Variants in BCAT1 observed in about 807,000 individuals in gnomAD.
BCAT1 encodes branched-chain-amino-acid aminotransferase, cytosolic.
In BCAT1, 48 loss-of-function variants were observed where a neutral mutation model predicts 52.4. That is an observed-to-expected ratio of 0.92 (90% CI 0.73 to 1.16). The LOEUF (loss-of-function observed/expected upper bound fraction) is 1.16. Ranked by LOEUF, BCAT1 falls within the 50% of genes most tolerant of loss-of-function variation. The pLI, the probability that BCAT1 is intolerant of heterozygous loss-of-function variation, is 0.00. For missense variants in BCAT1, 451 were observed against 457.1 expected, an observed-to-expected ratio of 0.99 and a Z score of 0.12; for synonymous variants, 167 against 161.3, an observed-to-expected ratio of 1.04 and a Z score of -0.27.
At chr12:24,929,763 G>A (rs901392872) in intron 1 of BCAT1, among the ~76,000 whole-genome samples, 8 of 152,012 alleles carry the variant, frequency 5.3e-5, no homozygotes, top group Non-Finnish European at 1.2e-4. Context: ...TAAGCCCCAA[G>A]CCCTGATTCC....
chr12:24,915,858 C>T (rs911395805), intron 1 of BCAT1, among the ~76,000 whole-genome samples: 1 of 152,170 alleles, frequency 6.6e-6, no homozygotes. Flanking sequence ...CAGATTAAGA[C>T]TTTTGAAACC....
chr12:24,934,972 C>A (rs1943731406), intron 1 of BCAT1, among the ~76,000 whole-genome samples: 1 of 152,194 alleles, frequency 6.6e-6, no homozygotes, highest in Non-Finnish European at 1.5e-5. Context: ...TCTCTAGAAA[C>A]AGGCTCCATA....
intron 1 of BCAT1, 41 bp downstream of exon 1, chr12:24,948,886 A>T: frequency 6.3e-7 from 1 of 1,582,828 alleles, no homozygotes; most frequent in South Asian, 1.2e-5. Flanking sequence ...CGATTCACGC[A>T]CACATTTTTG....
intron 7 of BCAT1, among the ~76,000 whole-genome samples, chr12:24,836,840 G>A (rs1171882117): frequency 3.8e-5 from 3 of 79,194 alleles, no homozygotes; most frequent in Non-Finnish European, 5.7e-5. Context: ...GAAGGAAGGA[G>A]AGAGAGAGAA....
intron 2 of BCAT1, among the ~76,000 whole-genome samples, chr12:24,898,520 CTTTTTTTTT>C (rs71448094): frequency 7.5e-4 from 29 of 38,528 alleles, no homozygotes; most frequent in South Asian, 6.3e-3. Context: ...TCAGTCAACA[CTTTTTTTTT>C]TTTTTTTTTT....
At chr12:24,877,913 G>A (rs1942391508) in intron 5 of BCAT1, among the ~76,000 whole-genome samples, 1 of 152,126 alleles carries the variant, frequency 6.6e-6, no homozygotes, top group South Asian at 2.1e-4. Context: ...CAGGACTTTG[G>A]GAGGCCAAGG....
At chr12:24,912,799 T>C (rs1002629139) in intron 1 of BCAT1, among the ~76,000 whole-genome samples, 2 of 151,808 alleles carry the variant, frequency 1.3e-5, no homozygotes, top group Admixed American at 6.6e-5. Flanking sequence ...TTCAAGAAAA[T>C]AGACTGACTT....
chr12:24,865,952 C>A (rs903429076), intron 5 of BCAT1, among the ~76,000 whole-genome samples: 3 of 152,244 alleles, frequency 2.0e-5, no homozygotes, highest in African/African-American at 7.2e-5. Context: ...GGTGCCTCCT[C>A]GGCCTCGGCG....
chr12:24,902,952 G>A, intron 1 of BCAT1: 1 of 1,508,712 alleles, frequency 6.6e-7, no homozygotes, highest in Non-Finnish European at 8.8e-7. Context: ...GGTACCTGGC[G>A]GGCAAGGGCC....
chr12:24,909,333 G>A (rs2139698450), intron 1 of BCAT1, among the ~76,000 whole-genome samples: 1 of 152,222 alleles, frequency 6.6e-6, no homozygotes, highest in South Asian at 2.1e-4. Flanking sequence ...TCACGTCTCT[G>A]GAAAAGTGAG....
chr12:24,919,829 T>C (rs116141544), intron 1 of BCAT1, among the ~76,000 whole-genome samples: 2,442 of 152,300 alleles, frequency 0.016, 39 homozygotes, highest in Middle Eastern at 0.065. Flanking sequence ...TTCCCCCATA[T>C]AGTTTCTGTG....
chr12:24,923,261 G>A (rs1259298065), intron 1 of BCAT1, among the ~76,000 whole-genome samples: 1 of 152,158 alleles, frequency 6.6e-6, no homozygotes, highest in Non-Finnish European at 1.5e-5. Context: ...CCAGACAAGG[G>A]CCAACTTTGC....
intron 9 of BCAT1, chr12:24,830,908 C>T (rs1420201154): frequency 1.3e-5 from 2 of 152,234 alleles, no homozygotes; most frequent in Middle Eastern, 3.4e-3. Flanking sequence ...AATGAAGCAG[C>T]CATTATTAAA....
chr12:24,857,573 T>G (rs1941726711), intron 5 of BCAT1, among the ~76,000 whole-genome samples: 1 of 152,252 alleles, frequency 6.6e-6, no homozygotes, highest in Non-Finnish European at 1.5e-5. Context: ...TTTCTCATTT[T>G]GTTTTCTTGC....
Position 24,815,453 on chromosome 12 carries a change from A to C in BCAT1, c.*2555T>G, listed in dbSNP as rs1040840664. ...CTAATGCTAGACCATCTTATGCCTT[A>C]AACGATCAATTAGTGTGACAATAAC... On this transcript the variant is annotated 3_prime_UTR_variant, in exon 11 of 11. Transcript: ENST00000261192. 1.3e-5 allele frequency: 2 copies of C among 152,630 alleles called. No individual in the cohort carries two copies. The highest frequency in any genetic ancestry group is 2.9e-5 in the Non-Finnish European group (2 of 68,026). The allele number at this position is 152,630 out of a possible 1,614,324, so 9.5% of individuals were successfully genotyped here. A position where few individuals can be genotyped will look rare whatever the true frequency, so the allele number is the denominator to read the frequency against.
At chr12:24,875,020 A>AAC (rs1433941741) in intron 5 of BCAT1, among the ~76,000 whole-genome samples, 1 of 151,990 alleles carries the variant, frequency 6.6e-6, no homozygotes, top group East Asian at 1.9e-4. Context: ...AAAAAAAAAA[A>AAC]AATCACATAA....
At chr12:24,833,298 T>G (rs1283914213) in intron 8 of BCAT1, among the ~76,000 whole-genome samples, 1 of 152,080 alleles carries the variant, frequency 6.6e-6, no homozygotes, top group Non-Finnish European at 1.5e-5. Context: ...GCAGGCAGAT[T>G]ACTTGAGGTC....
At chr12:24,882,656 TG>T (rs1233510354) in intron 3 of BCAT1, among the ~76,000 whole-genome samples, 3 of 151,828 alleles carry the variant, frequency 2.0e-5, no homozygotes, top group African/African-American at 7.3e-5. Context: ...TGAAGTTCAG[TG>T]GCAAGATCTT....
At chr12:24,885,580 G>A (rs1197618364) in intron 3 of BCAT1, among the ~76,000 whole-genome samples, 3 of 152,040 alleles carry the variant, frequency 2.0e-5, no homozygotes, top group Non-Finnish European at 2.9e-5. Context: ...AAATTATATG[G>A]AAAGAAAATG....
Sources: allele counts gnomAD v4.1 joint callset (sites outside exome capture counted in the v4.1 genomes callset), GRCh38; gene constraint gnomAD v4.1.1; transcripts MANE v1.5; gene names NCBI Gene and HGNC (gene_info 2026-07-23, HGNC 2026-07-21).